The following ZNF343 variants were observed in gnomAD, a reference collection of about 807,000 sequenced individuals.
The protein encoded by ZNF343 is zinc finger protein 343.
A neutral mutation model predicts 13.8 loss-of-function variants in ZNF343; 11 were observed. The ratio of observed to expected loss-of-function variants is 0.80; its 90% confidence interval spans 0.50 to 1.32. The LOEUF is 1.32. Among genes scored for constraint, ZNF343 ranks in the 40% most tolerant of loss-of-function variants. The pLI, the probability that ZNF343 is intolerant of heterozygous loss-of-function variation, is 0.00. For synonymous variants in ZNF343, 248 were observed against 260.0 expected (o/e 0.95, Z 0.44); for missense variants, 658 against 714.2 (o/e 0.92, Z 0.90).
At chr20:2,499,216 A>T (rs554178277) in intron 2 of ZNF343, among the ~76,000 whole-genome samples, 17 of 146,334 alleles carry the variant, frequency 1.2e-4, no homozygotes, top group South Asian at 4.3e-4. Flanking sequence ...CTGTAATCCC[A>T]GCACTTTGGG....
intron 1 of ZNF343, among the ~76,000 whole-genome samples, chr20:2,505,496 C>G (rs1260555702): frequency 3.3e-5 from 5 of 152,116 alleles, no homozygotes; most frequent in Non-Finnish European, 5.9e-5. Flanking sequence ...CAATCCTAAG[C>G]AAAAAGAACA....
At chr20:2,493,371 T>C in intron 4 of ZNF343, 148 bp downstream of exon 4, 1 of 759,284 alleles carries the variant, frequency 1.3e-6, no homozygotes, top group East Asian at 2.6e-5. Flanking sequence ...CTATGTGCTT[T>C]GACAACTTTT....
At chr20:2,489,271 G>GT (rs1456172528) in intron 5 of ZNF343, among the ~76,000 whole-genome samples, 1 of 152,190 alleles carries the variant, frequency 6.6e-6, no homozygotes, top group Non-Finnish European at 1.5e-5. Context: ...CTGGTAATGT[G>GT]TTAATAACTA....
In ZNF343 at chr20:2,508,835, G is replaced by C. The variant is rs2122739231; in HGVS notation, c.-237+46C>G. 6.6e-6 allele frequency: 1 copy of C among 152,354 alleles called. No homozygotes were observed. The highest frequency in any genetic ancestry group is 2.1e-4 in the South Asian group (1 of 4,832). The allele number at this position is 152,354 out of a possible 1,614,324, so 9.4% of individuals were successfully genotyped here. On this transcript the variant is annotated intron_variant, in intron 1 of 5. Coordinates refer to ENST00000278772, the MANE Select transcript of ZNF343 (RefSeq NM_024325.6). This position sits in a 1 kb window ranked among gnomAD's most constrained non-coding sequence, Gnocchi z 4.5. Reference sequence around the variant, plus strand: ...CCTTTCCCGACCCTCCTTTCCCCACGAGAGAGGGCATCCTGGGGCCAAGGA... The same window carrying C: ...CCTTTCCCGACCCTCCTTTCCCCACCAGAGAGGGCATCCTGGGGCCAAGGA...
chr20:2,506,098 GA>G (rs572614753), intron 1 of ZNF343, among the ~76,000 whole-genome samples: 1 of 152,000 alleles, frequency 6.6e-6, no homozygotes, highest in African/African-American at 2.4e-5. Context: ...AAATTTACAA[GA>G]AAAAAACAAA....
chr20:2,493,093 A>G, intron 4 of ZNF343: 1 of 508,728 alleles, frequency 2.0e-6, no homozygotes, highest in South Asian at 2.2e-5. Context: ...TTAATTTGTA[A>G]ACCTCAGGCT....
intron 1 of ZNF343, among the ~76,000 whole-genome samples, chr20:2,517,162 C>T (rs922478866): frequency 3.2e-4 from 48 of 152,236 alleles, no homozygotes; most frequent in African/African-American, 1.1e-3. Flanking sequence ...TGCATTAGAG[C>T]ATATTTAAAT....
chr20:2,494,453 C>G (rs2085423924), intron 2 of ZNF343, among the ~76,000 whole-genome samples: 1 of 152,046 alleles, frequency 6.6e-6, no homozygotes, highest in Non-Finnish European at 1.5e-5. Flanking sequence ...TGCCCCAACC[C>G]AAGGTTCCAT....
Position 2,484,454 on chromosome 20 carries a change from T to G in ZNF343, c.507A>C (p.Glu169Asp). ...TGGAGCCACCTCCTCTCTCCTGACCTTCTGCATTTTCAAACCAACAGCTTA... is the reference window on the plus strand; with the variant it reads ...TGGAGCCACCTCCTCTCTCCTGACCGTCTGCATTTTCAAACCAACAGCTTA... ...SHVSCWFENA[E>D]GQERGGGSKP... The change falls in exon 6 of 6, where the codon GAA becomes GAC. Residue 169 changes from glutamate to aspartate, a missense_variant. Physicochemically the swap from Glu to Asp is conservative, Grantham distance 45 (BLOSUM62 2). Transcript: ENST00000278772. 6.2e-7 allele frequency: 1 copy of G among 1,614,204 alleles called. No homozygotes were observed. The highest frequency in any genetic ancestry group is 1.1e-5 in the South Asian group (1 of 91,082).
intron 5 of ZNF343, among the ~76,000 whole-genome samples, chr20:2,490,775 G>C (rs2085355272): frequency 6.6e-6 from 1 of 152,004 alleles, no homozygotes; most frequent in Non-Finnish European, 1.5e-5. Flanking sequence ...AAAACAGTAT[G>C]ACCAGAGAAA....
Position 2,481,990 on chromosome 20 carries a change from C to A in ZNF343, c.*1171G>T, listed in dbSNP as rs1426007368. On this transcript the variant is annotated 3_prime_UTR_variant, in exon 6 of 6. Coordinates refer to ENST00000278772, the MANE Select transcript of ZNF343 (RefSeq NM_024325.6). ...TGAGTGAGGTAGTGACTTGGGGTAGCAAGACTGTCCTCCTAAGTCAGTTGA... is the reference window on the plus strand; with the variant it reads ...TGAGTGAGGTAGTGACTTGGGGTAGAAAGACTGTCCTCCTAAGTCAGTTGA... The A allele has an allele frequency of 6.6e-6, 1 of 152,146 alleles. No homozygotes were observed. The highest frequency in any genetic ancestry group is 1.5e-5 in the Non-Finnish European group (1 of 68,042). 9.4% of individuals were successfully genotyped at this position (152,146 alleles called of 1,614,324 possible).
intron 1 of ZNF343, among the ~76,000 whole-genome samples, chr20:2,523,332 A>G (rs1481448162): frequency 6.6e-6 from 1 of 152,176 alleles, no homozygotes; most frequent in African/African-American, 2.4e-5. Flanking sequence ...AGAAATAACT[A>G]TAAGTATAGT....
chr20:2,482,932 T>C lies in ZNF343; in HGVS notation c.*229A>G. 1.8e-6 allele frequency: 1 copy of C among 557,368 alleles called. No individual in the cohort carries two copies. 34.5% of individuals were successfully genotyped at this position (557,368 alleles called of 1,614,324 possible). ...CTTCTCTCCTAAGTGTGTCCTTTTG[T>C]GCATGCTCAAGGCTGACTGATGGCT... On this transcript the variant is annotated 3_prime_UTR_variant, in exon 6 of 6. Transcript: ENST00000278772.
rs1337465842 is a variant in ZNF343 at position 2,518,548 on chromosome 20, A to C, written c.-347+5907T>G. Among the ~76,000 whole-genome samples, 1 of 152,170 alleles carries C rather than the reference A, an allele frequency of 6.6e-6. No individual in the cohort carries two copies. The highest frequency in any genetic ancestry group is 1.9e-4 in the East Asian group (1 of 5,196). ...TAGTACTCACAAGTGCCAGACTCTA[A>C]CTTCTGATTTCTAAATAGCTACCCC... On this transcript the variant is annotated intron_variant, in intron 1 of 6. Coordinates refer to the ZNF343 transcript ENST00000358413. The surrounding 1 kb of genome is among the most constrained non-coding windows in gnomAD (Gnocchi z 4.6).
chr20:2,523,725 G>C (rs934591984), intron 1 of ZNF343, among the ~76,000 whole-genome samples: 1 of 134,702 alleles, frequency 7.4e-6, no homozygotes, highest in Non-Finnish European at 1.5e-5. Context: ...CTCTGGCCTG[G>C]GCTAGGATGC....
intron 2 of ZNF343, among the ~76,000 whole-genome samples, chr20:2,494,772 G>A (rs78137373): frequency 2.3e-4 from 33 of 144,208 alleles, no homozygotes; most frequent in Non-Finnish European, 1.8e-4. Context: ...CCTGTCTCAA[G>A]AAAAAAAAAA....
intron 1 of ZNF343, among the ~76,000 whole-genome samples, chr20:2,521,086 T>C (rs2085780366): frequency 6.6e-6 from 1 of 152,192 alleles, no homozygotes; most frequent in African/African-American, 2.4e-5. Flanking sequence ...GGTGAGGACA[T>C]AGCATCTGGA....
intron 1 of ZNF343, among the ~76,000 whole-genome samples, chr20:2,501,207 A>G (rs957858736): frequency 5.3e-5 from 8 of 152,124 alleles, no homozygotes; most frequent in African/African-American, 1.7e-4. Flanking sequence ...ACCCTCGCTC[A>G]TTGCTAGCAC....
chr20:2,496,658 C>T lies in ZNF343; in HGVS notation c.-149-2614G>A, dbSNP rs753844881. Among the ~76,000 whole-genome samples the T allele has an allele frequency of 4.6e-5, 7 of 152,008 alleles. No homozygotes were observed. In the East Asian group the frequency reaches 5.8e-4, roughly 13 times the overall value. On this transcript the variant is annotated intron_variant, in intron 2 of 5. Transcript: ENST00000278772. Reference sequence around the variant, plus strand: ...AGGTGGGAGATAATGGTGGTTTGGACGAAAGTGGACACAGTGTAGGTGGTA... The same window carrying T: ...AGGTGGGAGATAATGGTGGTTTGGATGAAAGTGGACACAGTGTAGGTGGTA...
Sources: gnomAD v4.1 joint callset for allele counts (sites outside exome capture counted in the v4.1 genomes callset) on GRCh38, gnomAD v4.1.1 for gene constraint, Gnocchi (gnomAD v3.1) non-coding constraint, MANE v1.5 for transcripts, NCBI Gene and HGNC (gene_info 2026-07-23, HGNC 2026-07-21) for gene names.